USH2A: variants seen among roughly 807,000 people sequenced by gnomAD.
USH2A encodes usherin.
A neutral mutation model predicts 538.9 loss-of-function variants in USH2A; 443 were observed. The ratio of observed to expected loss-of-function variants is 0.82; its 90% CI spans 0.76 to 0.89. USH2A has a LOEUF of 0.89. Ranked by LOEUF, USH2A falls within the 40% of genes least tolerant of loss-of-function variation. USH2A has a pLI of 0.00. For synonymous variants in USH2A, 2,413 were observed against 2,273.5 expected, an observed-to-expected ratio of 1.06 and a Z score of -1.75; for missense variants, 6,633 against 6,324.8, an observed-to-expected ratio of 1.05 and a Z score of -1.65.
intron 38 of USH2A, among the ~76,000 whole-genome samples, chr1:215,912,449 ATG>A (rs377530050): frequency 0.71 from 95,516 of 134,004 alleles, 32,813 homozygotes; most frequent in Admixed American, 0.76. Flanking sequence ...GGTAGTAGGT[ATG>A]TGTATATATA....
chr1:216,373,431 A>G (rs1169808787), intron 3 of USH2A, among the ~76,000 whole-genome samples: 1 of 152,126 alleles, frequency 6.6e-6, no homozygotes, highest in Non-Finnish European at 1.5e-5. Flanking sequence ...TTCCCATTCT[A>G]TCTGTAATGC....
In USH2A at chr1:216,098,618, T is replaced by C. The variant is rs569283171; in HGVS notation, c.4628-1405A>G. 1.4e-4 allele frequency among the ~76,000 whole-genome samples: 22 copies of C among 152,236 alleles called. No homozygotes were observed. In the South Asian group the frequency reaches 1.4e-3, roughly 10 times the overall value. ...GAAAGCAGATATCATTTGGTGAACA[T>C]TGGACTGTCGTTTTTTCAACATACA... On this transcript the variant is annotated intron_variant, in intron 21 of 71. Coordinates refer to ENST00000307340, the MANE Select transcript of USH2A (RefSeq NM_206933.4).
intron 59 of USH2A, 126 bp from the exon 60 acceptor site, chr1:215,741,663 C>G: frequency 2.8e-6 from 3 of 1,053,976 alleles, no homozygotes; most frequent in Middle Eastern, 2.9e-4. Flanking sequence ...TATACTTGTA[C>G]ATGTGTTTTA....
chr1:215,999,076 C>T lies in USH2A; in HGVS notation c.6486-18G>A, dbSNP rs370809079. On this transcript the variant is annotated intron_variant, in intron 33 of 71. Transcript: ENST00000307340. The stretch of plus-strand genomic sequence containing the variant: ...GTTTCCACCTGGGAATGGTAAAATA[C>T]ATTATTATCATTCATTCAAGTCAAA... 288 of 1,596,072 alleles carry T rather than the reference C, an allele frequency of 1.8e-4. 2 individuals carry two copies. In the African/African-American group the frequency reaches 3.6e-3, roughly 20 times the overall value.
chr1:215,705,483 T>C (rs1272683152), intron 61 of USH2A, among the ~76,000 whole-genome samples: 1 of 152,252 alleles, frequency 6.6e-6, no homozygotes, highest in African/African-American at 2.4e-5. Context: ...AACTGCCATC[T>C]ACAGTGATTA....
intron 61 of USH2A, among the ~76,000 whole-genome samples, chr1:215,689,378 G>T (rs1332066805): frequency 6.6e-6 from 1 of 152,026 alleles, no homozygotes; most frequent in African/African-American, 2.4e-5. Context: ...TCCCTTTTTT[G>T]AAGTTTGTAT....
At chr1:215,825,312 T>C (rs1663122375) in intron 47 of USH2A, among the ~76,000 whole-genome samples, 1 of 152,062 alleles carries the variant, frequency 6.6e-6, no homozygotes, top group Non-Finnish European at 1.5e-5. Flanking sequence ...GCCTCCCAAC[T>C]AGTTAGGATT....
intron 22 of USH2A, among the ~76,000 whole-genome samples, chr1:216,096,689 C>A (rs1466682825): frequency 1.3e-5 from 2 of 151,906 alleles, no homozygotes; most frequent in Non-Finnish European, 2.9e-5. Flanking sequence ...TACCCGATAG[C>A]CACTTAAATA....
rs1028858284 is a variant in USH2A, at chr1:215,675,100, T to C, written c.12811A>G (p.Ile4271Val). ...APPEGLSPPVISYVSMNPQKL... is the reference protein window; with the variant it reads ...APPEGLSPPVVSYVSMNPQKL... ...TGGGGATTCATAGAAACATAGGATA[T>C]CACAGGTGGAGAGAGACCTTCTGGA... The change falls in exon 63 of 72, where the codon ATA becomes GTA. Residue 4271 changes from isoleucine (I) to valine (V), a missense_variant. Ile to Val is a conservative substitution (Grantham distance 29). Coordinates refer to ENST00000307340, the MANE Select transcript of USH2A (RefSeq NM_206933.4). 1 of 1,614,072 alleles carries C rather than the reference T, an allele frequency of 6.2e-7. No homozygotes were observed. The highest frequency in any genetic ancestry group is 8.5e-7 in the Non-Finnish European group (1 of 1,180,006).
Position 215,816,870 on chromosome 1 carries a change from G to A in USH2A, c.9570+127C>T, listed in dbSNP as rs551907361. On this transcript the variant is annotated intron_variant, in intron 48 of 71. Coordinates refer to ENST00000307340, the MANE Select transcript of USH2A (RefSeq NM_206933.4). ...TTTTTGTAAGCATCCTTTCTTTTCCGTGGAGTCTTCTTCATAGAGTAGTGG... is the reference window on the plus strand; with the variant it reads ...TTTTTGTAAGCATCCTTTCTTTTCCATGGAGTCTTCTTCATAGAGTAGTGG... The A allele has an allele frequency of 5.0e-5, 52 of 1,035,738 alleles. 1 individual carries two copies. In the East Asian group the frequency reaches 5.1e-4, roughly 10 times the overall value. The allele number at this position is 1,035,738 out of a possible 1,614,324, so 64.2% of individuals were successfully genotyped here.
At chr1:215,975,416 G>T (rs1258735662) in intron 35 of USH2A, among the ~76,000 whole-genome samples, 2 of 152,074 alleles carry the variant, frequency 1.3e-5, no homozygotes, top group Non-Finnish European at 2.9e-5. Context: ...CCAGAATGGT[G>T]TTTCCTAAGT....
chr1:215,704,755 G>A (rs1659136202), intron 61 of USH2A, among the ~76,000 whole-genome samples: 1 of 152,178 alleles, frequency 6.6e-6, no homozygotes, highest in Admixed American at 6.5e-5. Context: ...GCCTGGAAAG[G>A]ATGTATTTCC....
chr1:216,303,983 T>A (rs2037266257), intron 9 of USH2A, among the ~76,000 whole-genome samples: 1 of 151,990 alleles, frequency 6.6e-6, no homozygotes, highest in Non-Finnish European at 1.5e-5. Context: ...CTCCACTCTG[T>A]CTTTAGTAGT....
intron 37 of USH2A, among the ~76,000 whole-genome samples, chr1:215,949,200 C>T (rs79160337): frequency 6.6e-6 from 1 of 151,772 alleles, no homozygotes; most frequent in Admixed American, 6.6e-5. Flanking sequence ...AAATGAACAC[C>T]ATCACAAAAG....
Position 215,848,366 on chromosome 1 carries a change from C to T in USH2A, c.8846-2333G>A, listed in dbSNP as rs567110241. On this transcript the variant is annotated intron_variant, in intron 44 of 71. Coordinates refer to ENST00000307340, the MANE Select transcript of USH2A (RefSeq NM_206933.4). ...ATGAAATGCTTTCAAACTTCACTTACGTATATAAATTAATTTCACTTGGGT... is the reference window on the plus strand; with the variant it reads ...ATGAAATGCTTTCAAACTTCACTTATGTATATAAATTAATTTCACTTGGGT... 9.9e-5 allele frequency among the ~76,000 whole-genome samples: 15 copies of T among 152,278 alleles called. 1 individual carries two copies. The South Asian group carries it at 1.5e-3, about 15-fold the overall frequency.
intron 63 of USH2A, 21 bp downstream of exon 63, chr1:215,674,079 A>G (rs774509415): frequency 5.6e-6 from 9 of 1,613,762 alleles, no homozygotes; most frequent in Non-Finnish European, 7.6e-6. Flanking sequence ...ACTCTCAGAA[A>G]ACCGAGACAT....
chr1:216,328,711 G>A (rs2037786732), intron 4 of USH2A, among the ~76,000 whole-genome samples: 1 of 151,896 alleles, frequency 6.6e-6, no homozygotes, highest in South Asian at 2.1e-4. Context: ...ATGGAGAGGA[G>A]AATTAGCACA....
At chr1:216,356,471 A>T (rs1330033248) in intron 4 of USH2A, among the ~76,000 whole-genome samples, 1 of 152,148 alleles carries the variant, frequency 6.6e-6, no homozygotes, top group African/African-American at 2.4e-5. Flanking sequence ...ACTCATAGAG[A>T]TTAACATTAC....
chr1:215,810,140 C>G (rs1662625315), intron 49 of USH2A, among the ~76,000 whole-genome samples: 1 of 152,038 alleles, frequency 6.6e-6, no homozygotes, highest in Non-Finnish European at 1.5e-5. Flanking sequence ...AAAAAAGAAT[C>G]AAAATTTGGG....
Sources: allele counts gnomAD v4.1 joint callset (sites outside exome capture counted in the v4.1 genomes callset), GRCh38; gene constraint gnomAD v4.1.1; transcripts MANE v1.5; gene names NCBI Gene and HGNC (gene_info 2026-07-23, HGNC 2026-07-21).